LRRTM4: variants seen among roughly 807,000 people sequenced by gnomAD.
The protein encoded by LRRTM4 is leucine-rich repeat transmembrane neuronal protein 4.
In LRRTM4, 25 loss-of-function variants were observed where a neutral mutation model predicts 47.6. The ratio of observed to expected loss-of-function variants is 0.53; its 90% CI spans 0.38 to 0.73. The LOEUF is 0.73. LRRTM4 is among the 30% of genes least tolerant of loss of function. The pLI, the probability that LRRTM4 is intolerant of heterozygous loss-of-function variation, is 0.00. For missense variants in LRRTM4, 638 were observed against 713.4 expected, an observed-to-expected ratio of 0.89 and a Z score of 1.20; for synonymous variants, 311 against 269.5, an observed-to-expected ratio of 1.15 and a Z score of -1.51.
intron 3 of LRRTM4, among the ~76,000 whole-genome samples, chr2:77,183,523 C>T (rs1457837160): frequency 2.0e-5 from 3 of 152,136 alleles, no homozygotes; most frequent in Admixed American, 6.6e-5. Context: ...GTCAGTGTGG[C>T]AATTCCTCAG....
chr2:77,485,570 T>G (rs1167639701), intron 3 of LRRTM4, among the ~76,000 whole-genome samples: 1 of 151,896 alleles, frequency 6.6e-6, no homozygotes. Flanking sequence ...TAAAAAGAGG[T>G]TAGGAATTTG....
rs561742763 is a variant in LRRTM4 at position 77,421,624 on chromosome 2, G to C, written c.1551+96694C>G. On this transcript the variant is annotated intron_variant, in intron 3 of 3. Transcript: ENST00000409884. ...CGGGAGGCTGAAGCAGGAGAATGGC[G>C]TGAACCCGGGAGGCGGAGCTTGCAG... is the stretch of plus-strand genomic sequence containing the variant. Among the ~76,000 whole-genome samples, 6 of 152,022 alleles carry C rather than the reference G, an allele frequency of 3.9e-5. No homozygotes were observed. In the South Asian group the frequency reaches 1.2e-3, roughly 32 times the overall value.
At chr2:76,759,647 A>T (rs73940044) in intron 3 of LRRTM4, among the ~76,000 whole-genome samples, 1 of 151,944 alleles carries the variant, frequency 6.6e-6, no homozygotes, top group East Asian at 1.9e-4. Flanking sequence ...GTGTGTGTGT[A>T]TGTAGAAGTC....
At chr2:77,033,740 A>G (rs1488332569) in intron 3 of LRRTM4, among the ~76,000 whole-genome samples, 1 of 151,876 alleles carries the variant, frequency 6.6e-6, no homozygotes, top group Non-Finnish European at 1.5e-5. Context: ...TAATATCAAT[A>G]GGGCTGTTTT....
intron 3 of LRRTM4, among the ~76,000 whole-genome samples, chr2:77,131,370 G>C (rs17013737): frequency 0.092 from 13,971 of 152,140 alleles, 1,396 homozygotes; most frequent in African/African-American, 0.25. Flanking sequence ...GAAATTCCAA[G>C]TCTTTTAAGC....
chr2:76,808,445 G>GA (rs369001552), intron 3 of LRRTM4, among the ~76,000 whole-genome samples: 74,013 of 147,062 alleles, frequency 0.5, 19,862 homozygotes, highest in African/African-American at 0.71. Flanking sequence ...TTGATTTTGG[G>GA]AAAAAAAAAA....
At chr2:76,766,048 G>A (rs1193795106) in intron 3 of LRRTM4, among the ~76,000 whole-genome samples, 1 of 152,138 alleles carries the variant, frequency 6.6e-6, no homozygotes, top group East Asian at 1.9e-4. Flanking sequence ...AAGACCACAA[G>A]GATCATTATA....
At chr2:76,940,223 A>G (rs946841820) in intron 3 of LRRTM4, among the ~76,000 whole-genome samples, 2 of 152,188 alleles carry the variant, frequency 1.3e-5, no homozygotes, top group Admixed American at 6.5e-5. Flanking sequence ...GTAATAGCAA[A>G]GACATCGAAT....
chr2:76,976,737 A>G (rs1676430486), intron 3 of LRRTM4, among the ~76,000 whole-genome samples: 1 of 151,886 alleles, frequency 6.6e-6, no homozygotes, highest in Admixed American at 6.6e-5. Context: ...GCAAAGTGAC[A>G]GCTGGATGGG....
chr2:77,259,576 A>G (rs1236994363), intron 3 of LRRTM4, among the ~76,000 whole-genome samples: 1 of 152,058 alleles, frequency 6.6e-6, no homozygotes, highest in Non-Finnish European at 1.5e-5. Flanking sequence ...AGTTATGGTA[A>G]AATAAAAGAA....
At chr2:77,143,038 C>T (rs555810823) in intron 3 of LRRTM4, among the ~76,000 whole-genome samples, 1 of 152,186 alleles carries the variant, frequency 6.6e-6, no homozygotes, top group Admixed American at 6.5e-5. Context: ...ATGAACACCC[C>T]CAATAATCAC....
At chr2:76,879,584 T>C (rs929608400) in intron 3 of LRRTM4, among the ~76,000 whole-genome samples, 2 of 152,212 alleles carry the variant, frequency 1.3e-5, no homozygotes. Context: ...TATGGAGATA[T>C]GCAAGAAAAT....
intron 3 of LRRTM4, among the ~76,000 whole-genome samples, chr2:76,905,466 G>A (rs1673796140): frequency 6.6e-6 from 1 of 152,152 alleles, no homozygotes; most frequent in East Asian, 1.9e-4. Flanking sequence ...AAGGATCGCA[G>A]TTCCTCACCA....
intron 3 of LRRTM4, among the ~76,000 whole-genome samples, chr2:77,296,209 A>C (rs1294545711): frequency 2.0e-5 from 3 of 152,214 alleles, no homozygotes; most frequent in Non-Finnish European, 4.4e-5. Flanking sequence ...ATTATTCCCC[A>C]ATATTTTCCC....
chr2:77,453,413 C>A (rs1273520440), intron 3 of LRRTM4, among the ~76,000 whole-genome samples: 1 of 152,022 alleles, frequency 6.6e-6, no homozygotes, highest in East Asian at 1.9e-4. Context: ...ATCTCCTGAC[C>A]TTGTGATCCT....
chr2:77,305,501 T>C (rs1040717182), intron 3 of LRRTM4, among the ~76,000 whole-genome samples: 1 of 152,156 alleles, frequency 6.6e-6, no homozygotes, highest in Non-Finnish European at 1.5e-5. Context: ...TTAAGACTTG[T>C]GCCTTTAAAA....
intron 3 of LRRTM4, among the ~76,000 whole-genome samples, chr2:76,832,216 T>C (rs1671373461): frequency 6.6e-6 from 1 of 152,134 alleles, no homozygotes; most frequent in African/African-American, 2.4e-5. Context: ...CTATCACCAA[T>C]TTGATTCTAA....
intron 3 of LRRTM4, among the ~76,000 whole-genome samples, chr2:76,895,360 T>G (rs10184480): frequency 6.6e-6 from 1 of 151,828 alleles, no homozygotes; most frequent in East Asian, 1.9e-4. Context: ...ATTTAGTAAT[T>G]ATAAAAATGA....
intron 3 of LRRTM4, among the ~76,000 whole-genome samples, chr2:76,989,343 C>A (rs1325547381): frequency 6.6e-6 from 1 of 151,656 alleles, no homozygotes. Flanking sequence ...GTAAGAGGAC[C>A]CACAACAAAG....
Sources: allele counts gnomAD v4.1 joint callset (sites outside exome capture counted in the v4.1 genomes callset), GRCh38; gene constraint gnomAD v4.1.1; transcripts MANE v1.5; gene names NCBI Gene and HGNC (gene_info 2026-07-23, HGNC 2026-07-21).